The following ILKAP variants were observed in gnomAD, a reference collection of about 807,000 sequenced individuals.
ILKAP encodes integrin-linked kinase-associated serine/threonine phosphatase 2C.
A neutral mutation model predicts 49.1 loss-of-function variants in ILKAP; 11 were observed. The ratio of observed to expected loss-of-function variants is 0.22; its 90% CI spans 0.14 to 0.37. ILKAP has a LOEUF of 0.37. ILKAP is among the 10% of genes least tolerant of loss of function. The pLI is 1.00. For missense variants in ILKAP, 363 were observed against 510.8 expected, an observed-to-expected ratio of 0.71 and a Z score of 2.79; for synonymous variants, 186 against 192.8, an observed-to-expected ratio of 0.96 and a Z score of 0.29.
chr2:238,171,309 G>C (rs183608668), intron 10 of ILKAP, among the ~76,000 whole-genome samples: 1 of 151,798 alleles, frequency 6.6e-6, no homozygotes, highest in Admixed American at 6.6e-5. Flanking sequence ...ACAGGTGCCC[G>C]GCACCACGCC....
intron 10 of ILKAP, among the ~76,000 whole-genome samples, chr2:238,171,585 T>C (rs1390266572): frequency 6.6e-6 from 1 of 152,248 alleles, no homozygotes; most frequent in Admixed American, 6.5e-5. Context: ...ATTAACAGAA[T>C]TATTAATTAC....
chr2:238,193,062 C>A (rs931059784), intron 3 of ILKAP, among the ~76,000 whole-genome samples: 3 of 152,176 alleles, frequency 2.0e-5, no homozygotes, highest in Non-Finnish European at 4.4e-5. Context: ...ACACTAGACC[C>A]AAGATTATAT....
chr2:238,173,361 C>T (rs536899380), intron 10 of ILKAP, among the ~76,000 whole-genome samples, 173 bp downstream of exon 10: 90 of 152,272 alleles, frequency 5.9e-4, no homozygotes, highest in African/African-American at 2.1e-3. Flanking sequence ...TGTGTCCCCC[C>T]CTACCACTGT....
intron 6 of ILKAP, 72 bp from the exon 7 acceptor site, chr2:238,184,185 G>T (rs1281614566): frequency 2.2e-6 from 2 of 926,618 alleles, no homozygotes; most frequent in African/African-American, 1.6e-5. Flanking sequence ...TGTCATTTTG[G>T]TTTGTTTTTT....
chr2:238,178,398 A>G (rs187306800), intron 9 of ILKAP, among the ~76,000 whole-genome samples: 2 of 152,316 alleles, frequency 1.3e-5, no homozygotes, highest in Admixed American at 1.3e-4. Flanking sequence ...TGCGTTGCCC[A>G]GGCTTCTCTC....
chr2:238,174,794 T>C (rs1693375117), intron 9 of ILKAP, among the ~76,000 whole-genome samples: 1 of 152,194 alleles, frequency 6.6e-6, no homozygotes, highest in African/African-American at 2.4e-5. Context: ...AGCTGAGGAC[T>C]GAAGATGGGT....
Position 238,186,853 on chromosome 2 carries a change from G to C in ILKAP, c.425+1278C>G, listed in dbSNP as rs370752375. 12 of 152,292 alleles carry C rather than the reference G, an allele frequency of 7.9e-5. No homozygotes were observed. The East Asian group carries it at 2.3e-3, about 29-fold the overall frequency. 9.4% of individuals were successfully genotyped at this position (152,292 alleles called of 1,614,324 possible). On this transcript the variant is annotated intron_variant, in intron 5 of 11. Coordinates refer to ENST00000254654, the MANE Select transcript of ILKAP (RefSeq NM_030768.3). ...CTCATCTGGTTTATAACTCAGAGCTGTTCTTACTGCCTGTTATTTGCAAGG... is the reference window on the plus strand; with the variant it reads ...CTCATCTGGTTTATAACTCAGAGCTCTTCTTACTGCCTGTTATTTGCAAGG...
chr2:238,197,130 A>C (rs1355387790), intron 1 of ILKAP, among the ~76,000 whole-genome samples: 3 of 152,224 alleles, frequency 2.0e-5, no homozygotes, highest in African/African-American at 7.2e-5. Context: ...TGGGAGGCGG[A>C]GGTTGCGGTG....
At chr2:238,190,082 G>C (rs1694060019) in intron 3 of ILKAP, 110 bp from the exon 4 acceptor site, 1 of 1,224,852 alleles carries the variant, frequency 8.2e-7, no homozygotes, top group South Asian at 1.5e-5. Flanking sequence ...TTTGAAGCAA[G>C]GACTGGCAGA....
chr2:238,196,871 A>G (rs184045543), intron 1 of ILKAP, among the ~76,000 whole-genome samples: 1 of 152,246 alleles, frequency 6.6e-6, no homozygotes, highest in Non-Finnish European at 1.5e-5. Flanking sequence ...TAAAGACTCT[A>G]TTAGAAGTAT....
intron 1 of ILKAP, among the ~76,000 whole-genome samples, chr2:238,197,052 T>C (rs182940477): frequency 6.6e-6 from 1 of 152,084 alleles, no homozygotes; most frequent in Non-Finnish European, 1.5e-5. Context: ...AAAAATTAGC[T>C]AGGCATGGTG....
intron 9 of ILKAP, among the ~76,000 whole-genome samples, chr2:238,174,398 GCT>G (rs1298501518): frequency 1.3e-5 from 2 of 152,210 alleles, no homozygotes; most frequent in Non-Finnish European, 2.9e-5. Flanking sequence ...GCAGCTGCAA[GCT>G]CTCTCCCCTT....
At chr2:238,191,652 C>G (rs558684167) in intron 3 of ILKAP, among the ~76,000 whole-genome samples, 6 of 152,236 alleles carry the variant, frequency 3.9e-5, no homozygotes, top group Admixed American at 3.3e-4. Flanking sequence ...TCACACCTGT[C>G]ATCCCAGCAC....
chr2:238,200,157 G>T (rs190897179), intron 1 of ILKAP, among the ~76,000 whole-genome samples: 1 of 152,140 alleles, frequency 6.6e-6, no homozygotes, highest in Admixed American at 6.5e-5. Flanking sequence ...ACTTTTATGG[G>T]TATGACATAG....
chr2:238,184,928 C>G (rs1158048767), intron 6 of ILKAP, among the ~76,000 whole-genome samples: 1 of 152,102 alleles, frequency 6.6e-6, no homozygotes, highest in East Asian at 1.9e-4. Flanking sequence ...CCAGTAAAGG[C>G]AAGACACTAA....
chr2:238,195,431 A>G (rs539048968), intron 1 of ILKAP, among the ~76,000 whole-genome samples: 1 of 151,532 alleles, frequency 6.6e-6, no homozygotes, highest in Non-Finnish European at 1.5e-5. Context: ...GAGAAAATAA[A>G]GGAGTTTCAG....
intron 3 of ILKAP, among the ~76,000 whole-genome samples, chr2:238,191,923 A>C (rs920057618): frequency 1.3e-5 from 2 of 151,702 alleles, no homozygotes; most frequent in African/African-American, 2.4e-5. Flanking sequence ...AAAAAAGAAA[A>C]AGAAAAAGGC....
At chr2:238,172,590 T>TG (rs2106325167) in intron 10 of ILKAP, among the ~76,000 whole-genome samples, 1 of 152,312 alleles carries the variant, frequency 6.6e-6, no homozygotes, top group South Asian at 2.1e-4. Flanking sequence ...GGAGAGATGA[T>TG]GGAGGACCCC....
At chr2:238,194,624 G>A in intron 2 of ILKAP, 181 bp downstream of exon 2, 3 of 641,640 alleles carry the variant, frequency 4.7e-6, no homozygotes, top group South Asian at 4.2e-5. Flanking sequence ...TACTTCTCAG[G>A]GCTAGCGACT....
Sources: allele counts gnomAD v4.1 joint callset (sites outside exome capture counted in the v4.1 genomes callset), GRCh38; gene constraint gnomAD v4.1.1; transcripts MANE v1.5; gene names NCBI Gene and HGNC (gene_info 2026-07-23, HGNC 2026-07-21).